FIGN: variants seen among roughly 807,000 people sequenced by gnomAD.
FIGN encodes the protein fidgetin.
In FIGN, 11 loss-of-function variants were observed where a neutral mutation model predicts 51.3. The observed-to-expected ratio is 0.21, with a 90% CI of 0.13 to 0.35. The LOEUF (loss-of-function observed/expected upper bound fraction) is 0.35, where lower values mean the gene tolerates loss of function less well. Among genes scored for constraint, FIGN ranks in the 10% least tolerant of loss-of-function variants. The pLI is 1.00. For synonymous variants in FIGN, 407 were observed against 363.2 expected (o/e 1.12, Z -1.37); for missense variants, 857 against 943.6 (o/e 0.91, Z 1.20).
rs1290213433 is a variant in FIGN at position 163,608,591 on chromosome 2, A to G, written c.*961T>C. 6.6e-6 allele frequency: 1 copy of G among 152,336 alleles called. No homozygotes were observed. The highest frequency in any genetic ancestry group is 2.4e-5 in the African/African-American group (1 of 41,462). The allele number at this position is 152,336 out of a possible 1,614,324, so 9.4% of individuals were successfully genotyped here. On this transcript the variant is annotated 3_prime_UTR_variant, in exon 3 of 3. Coordinates refer to ENST00000333129, the MANE Select transcript of FIGN (RefSeq NM_018086.4). Reference sequence around the variant, plus strand: ...TTTCAATTAACCAGTGTACCTTTTAAGAACATTTTCACTTAATTATCAAGG... The same window carrying G: ...TTTCAATTAACCAGTGTACCTTTTAGGAACATTTTCACTTAATTATCAAGG...
At chr2:163,670,653 A>G (rs1429496811) in intron 2 of FIGN, among the ~76,000 whole-genome samples, 3 of 152,234 alleles carry the variant, frequency 2.0e-5, no homozygotes, top group African/African-American at 7.2e-5. Flanking sequence ...GTCGATGTAT[A>G]TATTGTAGAA....
intron 2 of FIGN, among the ~76,000 whole-genome samples, chr2:163,660,489 A>G (rs1366943995): frequency 6.6e-6 from 1 of 151,736 alleles, no homozygotes; most frequent in Non-Finnish European, 1.5e-5. Context: ...TACCTGCAAC[A>G]TACAAAGAGA....
At chr2:163,660,023 C>T (rs1375347749) in intron 2 of FIGN, among the ~76,000 whole-genome samples, 3 of 152,050 alleles carry the variant, frequency 2.0e-5, no homozygotes, top group Non-Finnish European at 4.4e-5. Context: ...AGAGCTTGAA[C>T]CCGGGAGGCA....
At chr2:163,666,246 A>G (rs1209977807) in intron 2 of FIGN, among the ~76,000 whole-genome samples, 2 of 152,160 alleles carry the variant, frequency 1.3e-5, no homozygotes, top group Non-Finnish European at 2.9e-5. Flanking sequence ...CAACAGCTTC[A>G]CTAACAATCC....
At position 163,678,020 on chromosome 2, in the gene FIGN, AC is replaced by A. The variant is rs1445832580; in HGVS notation, c.25+56882del. Among the ~76,000 whole-genome samples, 3 of 152,302 alleles carry A rather than the reference AC, an allele frequency of 2.0e-5. No individual in the cohort carries two copies. In the East Asian group the frequency reaches 5.8e-4, roughly 29 times the overall value. Reference sequence around the variant, plus strand: ...ATAGTAGAGTTGCTATATATCCTACACCCAATTCCCTCTATTTTTAACATCT... The same window carrying A: ...ATAGTAGAGTTGCTATATATCCTACACCAATTCCCTCTATTTTTAACATCT... On this transcript the variant is annotated intron_variant, in intron 2 of 2. Transcript: ENST00000333129.
chr2:163,687,173 G>A (rs931445996), intron 2 of FIGN, among the ~76,000 whole-genome samples: 5 of 152,150 alleles, frequency 3.3e-5, no homozygotes, highest in African/African-American at 7.2e-5. Flanking sequence ...CCATAAAACT[G>A]TGTCAGGGGA....
chr2:163,706,436 T>G (rs1684500748), intron 2 of FIGN, among the ~76,000 whole-genome samples: 1 of 152,110 alleles, frequency 6.6e-6, no homozygotes, highest in South Asian at 2.1e-4. Flanking sequence ...GCACACACAA[T>G]CCACTCAAAT....
At chr2:163,668,269 A>T (rs1255119788) in intron 2 of FIGN, among the ~76,000 whole-genome samples, 2 of 152,176 alleles carry the variant, frequency 1.3e-5, no homozygotes, top group Admixed American at 6.5e-5. Context: ...TAGATTAAAA[A>T]AGAAGGGTCA....
At chr2:163,729,631 G>T (rs1040118286) in intron 2 of FIGN, among the ~76,000 whole-genome samples, 1 of 152,044 alleles carries the variant, frequency 6.6e-6, no homozygotes, top group Non-Finnish European at 1.5e-5. Context: ...GAGCTATAGG[G>T]TAAAAAACGT....
chr2:163,718,118 A>G (rs1293662442), intron 2 of FIGN, among the ~76,000 whole-genome samples: 5 of 152,136 alleles, frequency 3.3e-5, no homozygotes, highest in Non-Finnish European at 5.9e-5. Context: ...TAGAGCAAAC[A>G]CGTCTCTCAG....
intron 2 of FIGN, among the ~76,000 whole-genome samples, chr2:163,640,954 G>T (rs1232515778): frequency 6.6e-6 from 1 of 152,168 alleles, no homozygotes; most frequent in Non-Finnish European, 1.5e-5. Context: ...GGCATCAAGT[G>T]CTCAGTGGGC....
intron 2 of FIGN, among the ~76,000 whole-genome samples, chr2:163,718,708 C>T (rs1433491614): frequency 1.3e-5 from 2 of 152,140 alleles, no homozygotes; most frequent in Non-Finnish European, 2.9e-5. Context: ...TTTTAAACAA[C>T]TTTTCTTGCT....
intron 2 of FIGN, among the ~76,000 whole-genome samples, chr2:163,711,657 C>A (rs79868737): frequency 0.038 from 4,960 of 131,722 alleles, no homozygotes; most frequent in Middle Eastern, 0.047. Flanking sequence ...ATTGTTTCTA[C>A]AAAAAAAAAA....
chr2:163,670,937 T>A (rs1683865683), intron 2 of FIGN, among the ~76,000 whole-genome samples: 1 of 152,220 alleles, frequency 6.6e-6, no homozygotes, highest in South Asian at 2.1e-4. Context: ...GGAGAGTCCT[T>A]TTTAAAGAAT....
At chr2:163,614,624 A>C (rs1366817341) in intron 2 of FIGN, among the ~76,000 whole-genome samples, 2 of 152,128 alleles carry the variant, frequency 1.3e-5, no homozygotes. Flanking sequence ...AAAAGTCTTA[A>C]AGGGCTCAAC....
intron 2 of FIGN, among the ~76,000 whole-genome samples, chr2:163,672,335 T>C (rs2105333935): frequency 6.6e-6 from 1 of 151,912 alleles, no homozygotes; most frequent in African/African-American, 2.4e-5. Context: ...GGAAACTGGG[T>C]ATATTGTGTA....
In FIGN at chr2:163,727,383, TAA is replaced by T. The variant is rs34099693; in HGVS notation, c.25+7518_25+7519del. On this transcript the variant is annotated intron_variant, in intron 2 of 2. Coordinates refer to ENST00000333129, the MANE Select transcript of FIGN (RefSeq NM_018086.4). ...TATTTCAAGTTTGCAATGGCTTAGT[TAA>T]AAAAAAAAAAAATATTCCTAAACTG... Among the ~76,000 whole-genome samples, 669 of 147,494 alleles carry T rather than the reference TAA, an allele frequency of 4.5e-3. 2 individuals carry two copies. Among genetic ancestry groups the T allele is most frequent in the African/African-American group, 6.6e-3 (263 of 39,958 alleles).
chr2:163,718,824 T>A lies in FIGN; in HGVS notation c.25+16079A>T, dbSNP rs116506579. ...TGATATAATAAACAGATTATATATATATAAGACAGAGAGAGTGAGAGAGAG... is the reference window on the plus strand; with the variant it reads ...TGATATAATAAACAGATTATATATAAATAAGACAGAGAGAGTGAGAGAGAG... On this transcript the variant is annotated intron_variant, in intron 2 of 2. Transcript: ENST00000333129. Among the ~76,000 whole-genome samples, 342 of 145,562 alleles carry A rather than the reference T, an allele frequency of 2.3e-3. 2 individuals carry two copies. The highest frequency in any genetic ancestry group is 8.4e-3 in the African/African-American group (316 of 37,818).
chr2:163,611,300 C>A lies in FIGN; in HGVS notation c.532G>T (p.Ala178Ser). 1 of 1,614,100 alleles carries A rather than the reference C, an allele frequency of 6.2e-7. No homozygotes were observed. Among genetic ancestry groups the A allele is most frequent in the Non-Finnish European group, 8.5e-7 (1 of 1,180,020 alleles). The change falls in exon 3 of 3, where the codon GCA becomes TCA. Residue 178 changes from alanine (A) to serine (S), a missense_variant. Ala to Ser is a moderately conservative substitution (Grantham distance 99). Transcript: ENST00000333129. ...CGSHTVPSLH[A>S]GLPSQEYAPG... is the part of the protein sequence containing the mutation. ...GCATATTCCTGAGATGGGAGCCCTG[C>A]ATGAAGACTGGGTACAGTGTGGCTT...
Sources: allele counts gnomAD v4.1 joint callset (sites outside exome capture counted in the v4.1 genomes callset), GRCh38; gene constraint gnomAD v4.1.1; transcripts MANE v1.5; gene names NCBI Gene and HGNC (gene_info 2026-07-23, HGNC 2026-07-21).